Variants in MEF2A observed in about 807,000 individuals in gnomAD.
The protein encoded by MEF2A is myocyte enhancer factor 2A, also known as myocyte-specific enhancer factor 2A.
In MEF2A, 28 loss-of-function variants were observed where a neutral mutation model predicts 55.8. The ratio of observed to expected loss-of-function variants is 0.50; its 90% CI spans 0.37 to 0.69. The LOEUF is 0.69. Among genes scored for constraint, MEF2A ranks in the 30% least tolerant of loss-of-function variants. MEF2A has a pLI of 0.00. For synonymous variants in MEF2A, 239 were observed against 227.1 expected, an observed-to-expected ratio of 1.05 and a Z score of -0.47; for missense variants, 528 against 626.2, an observed-to-expected ratio of 0.84 and a Z score of 1.67.
intron 1 of MEF2A, among the ~76,000 whole-genome samples, chr15:99,597,388 C>T (rs1971562835): frequency 6.6e-6 from 1 of 152,062 alleles, no homozygotes; most frequent in African/African-American, 2.4e-5. Context: ...GAGGAAATTC[C>T]CGCCTAATAA....
intron 1 of MEF2A, among the ~76,000 whole-genome samples, chr15:99,584,293 C>T (rs959772048): frequency 6.6e-6 from 1 of 152,042 alleles, no homozygotes; most frequent in Non-Finnish European, 1.5e-5. Context: ...GGCAGTGATA[C>T]AGAAAATCTG....
chr15:99,711,861 G>C (rs1460386568), intron 11 of MEF2A, among the ~76,000 whole-genome samples: 1 of 152,196 alleles, frequency 6.6e-6, no homozygotes, highest in Admixed American at 6.5e-5. Flanking sequence ...AGTGGAAAGG[G>C]CTCAGAGCCC....
intron 4 of MEF2A, among the ~76,000 whole-genome samples, chr15:99,665,402 G>A (rs1213402295): frequency 1.2e-5 from 1 of 86,930 alleles, no homozygotes; most frequent in African/African-American, 5.5e-5. Context: ...AGCTGAAACT[G>A]GATCCCTTCC....
chr15:99,653,745 AC>A (rs1201497450), intron 4 of MEF2A, among the ~76,000 whole-genome samples: 1 of 152,192 alleles, frequency 6.6e-6, no homozygotes, highest in Non-Finnish European at 1.5e-5. Context: ...AATAGGCACT[AC>A]ATGCTTAAGC....
chr15:99,660,049 C>T lies in MEF2A; in HGVS notation c.259-11274C>T, dbSNP rs565288900. On this transcript the variant is annotated intron_variant, in intron 4 of 11. Transcript: ENST00000557942. ...TAAAAACAAAGAGCTTTCCTTTCCT[C>T]GTTATCTAAAATTAGCCTAACTTTG... 5.3e-5 allele frequency among the ~76,000 whole-genome samples: 8 copies of T among 152,258 alleles called. No homozygotes were observed. In the East Asian group the frequency reaches 1.3e-3, roughly 26 times the overall value.
At chr15:99,683,728 A>AG (rs976916661) in intron 7 of MEF2A, among the ~76,000 whole-genome samples, 153 of 152,028 alleles carry the variant, frequency 1.0e-3, no homozygotes, top group Non-Finnish European at 1.7e-3. Context: ...AAAAAAAAAA[A>AG]AAATTATTTC....
intron 2 of MEF2A, among the ~76,000 whole-genome samples, chr15:99,625,873 A>G (rs1327327933): frequency 6.6e-6 from 1 of 152,040 alleles, no homozygotes; most frequent in Non-Finnish European, 1.5e-5. Context: ...TCAGTTTGCT[A>G]GTATTTTATT....
At chr15:99,672,432 T>A (rs1454414243) in intron 5 of MEF2A, among the ~76,000 whole-genome samples, 1 of 152,238 alleles carries the variant, frequency 6.6e-6, no homozygotes, top group African/African-American at 2.4e-5. Flanking sequence ...TTTCAAAGAA[T>A]TCTCACTGGA....
chr15:99,641,511 C>T (rs528637957), intron 3 of MEF2A, among the ~76,000 whole-genome samples: 1 of 152,274 alleles, frequency 6.6e-6, no homozygotes, highest in South Asian at 2.1e-4. Flanking sequence ...ATCACGAGGT[C>T]AGGAGATCGA....
chr15:99,710,746 C>G lies in MEF2A; in HGVS notation c.1122C>G (p.Ala374=). The change falls in exon 11 of 12, where the codon GCC becomes GCG. Residue 374 remains alanine, a synonymous_variant. Coordinates refer to ENST00000557942, the MANE Select transcript of MEF2A (RefSeq NM_001319206.4). ...AWQQHHLGQA[A]LSSLVAGGQL... The stretch of plus-strand genomic sequence containing the variant: ...AGCAGCACCACCTAGGACAAGCAGC[C>G]CTCAGCTCTCTTGTGTGAGTAACTA... The G allele has an allele frequency of 6.2e-7, 1 of 1,606,392 alleles. No homozygotes were observed. The highest frequency in any genetic ancestry group is 8.5e-7 in the Non-Finnish European group (1 of 1,173,526).
intron 4 of MEF2A, among the ~76,000 whole-genome samples, chr15:99,652,767 G>A (rs1272153108): frequency 2.6e-5 from 4 of 152,142 alleles, no homozygotes; most frequent in Admixed American, 6.5e-5. Context: ...TTAGAACTGC[G>A]TGGTAATTTT....
At chr15:99,625,569 G>A (rs1217221729) in intron 2 of MEF2A, among the ~76,000 whole-genome samples, 1 of 152,100 alleles carries the variant, frequency 6.6e-6, no homozygotes. Flanking sequence ...TAGTGGAAAG[G>A]CTTTCAGTCT....
chr15:99,685,125 G>A (rs2053966936), intron 7 of MEF2A, among the ~76,000 whole-genome samples: 1 of 152,152 alleles, frequency 6.6e-6, no homozygotes, highest in Non-Finnish European at 1.5e-5. Context: ...TGGAAATAAT[G>A]TGATGCCTCC....
At chr15:99,701,269 G>T (rs1266971960) in intron 8 of MEF2A, among the ~76,000 whole-genome samples, 2 of 152,206 alleles carry the variant, frequency 1.3e-5, no homozygotes, top group African/African-American at 4.8e-5. Context: ...AGAAAGCCAT[G>T]TCTCTTTGTG....
intron 2 of MEF2A, among the ~76,000 whole-genome samples, chr15:99,629,416 C>A (rs2042570423): frequency 6.6e-6 from 1 of 152,234 alleles, no homozygotes; most frequent in Non-Finnish European, 1.5e-5. Context: ...TGCCCCTGTA[C>A]CTTTTTCCCA....
At chr15:99,680,801 C>G (rs1225990033) in intron 7 of MEF2A, among the ~76,000 whole-genome samples, 1 of 152,112 alleles carries the variant, frequency 6.6e-6, no homozygotes, top group Non-Finnish European at 1.5e-5. Context: ...GTTTTTCACT[C>G]TTTTTCTAGT....
chr15:99,679,855 A>G (rs1051574368), intron 7 of MEF2A, among the ~76,000 whole-genome samples: 1 of 152,256 alleles, frequency 6.6e-6, no homozygotes, highest in Non-Finnish European at 1.5e-5. Flanking sequence ...TTTTTAAATT[A>G]TAAGAGAAAA....
intron 4 of MEF2A, among the ~76,000 whole-genome samples, chr15:99,654,936 A>G (rs945439602): frequency 2.6e-5 from 4 of 152,170 alleles, no homozygotes; most frequent in East Asian, 1.9e-4. Flanking sequence ...TTGAGCATCT[A>G]TCTAAAGTAT....
chr15:99,699,844 TTC>T (rs1189892971), intron 8 of MEF2A, among the ~76,000 whole-genome samples: 2 of 151,874 alleles, frequency 1.3e-5, no homozygotes, highest in South Asian at 2.1e-4. Flanking sequence ...GCAGCCAGGT[TTC>T]TCATGGTTGG....
Sources: allele counts gnomAD v4.1 joint callset (sites outside exome capture counted in the v4.1 genomes callset), GRCh38; gene constraint gnomAD v4.1.1; transcripts MANE v1.5; gene names NCBI Gene and HGNC (gene_info 2026-07-23, HGNC 2026-07-21).